Variants in UBE2E2 observed in about 807,000 individuals in gnomAD.
UBE2E2 encodes ubiquitin conjugating enzyme E2 E2, also known as ubiquitin-conjugating enzyme E2 E2.
A neutral mutation model predicts 24.7 loss-of-function variants in UBE2E2; 6 were observed. The ratio of observed to expected loss-of-function variants is 0.24; its 90% CI spans 0.13 to 0.48. The LOEUF is 0.48. Ranked by LOEUF, UBE2E2 falls within the 20% of genes least tolerant of loss-of-function variation. UBE2E2 has a pLI of 0.99. For synonymous variants in UBE2E2, 104 were observed against 83.6 expected (o/e 1.24, Z -1.33); for missense variants, 169 against 245.0 (o/e 0.69, Z 2.07).
At chr3:23,243,748 CTTT>C (rs72104834) in intron 3 of UBE2E2, among the ~76,000 whole-genome samples, 4 of 144,412 alleles carry the variant, frequency 2.8e-5, no homozygotes, top group African/African-American at 2.5e-5. Flanking sequence ...AATAGTATTT[CTTT>C]TTTTTTTTTT....
At chr3:23,325,912 CTG>C (rs1412094212) in intron 3 of UBE2E2, among the ~76,000 whole-genome samples, 2 of 152,206 alleles carry the variant, frequency 1.3e-5, no homozygotes, top group Non-Finnish European at 2.9e-5. Flanking sequence ...TATAGTCACA[CTG>C]TGAGTAATGA....
At chr3:23,334,569 C>A (rs951267306) in intron 3 of UBE2E2, among the ~76,000 whole-genome samples, 1 of 151,698 alleles carries the variant, frequency 6.6e-6, no homozygotes, top group African/African-American at 2.4e-5. Flanking sequence ...ACTATAATTT[C>A]GAAGTTTATT....
At chr3:23,515,801 A>C (rs1285379565) in intron 4 of UBE2E2, among the ~76,000 whole-genome samples, 4 of 75,960 alleles carry the variant, frequency 5.3e-5, no homozygotes, top group African/African-American at 1.9e-4. Context: ...TACAAAAAGA[A>C]AAAAAAAAAA....
At chr3:23,298,835 A>G (rs190126909) in intron 3 of UBE2E2, among the ~76,000 whole-genome samples, 20 of 152,092 alleles carry the variant, frequency 1.3e-4, no homozygotes, top group African/African-American at 3.1e-4. Context: ...CTCTTTTTCT[A>G]TTGATTGGAA....
chr3:23,271,466 G>A (rs544175581), intron 3 of UBE2E2, among the ~76,000 whole-genome samples: 6 of 152,270 alleles, frequency 3.9e-5, no homozygotes, highest in East Asian at 3.9e-4. Context: ...AAGGGGACCC[G>A]AGTGGGTTGC....
At position 23,356,075 on chromosome 3, in the gene UBE2E2, A is replaced by G. The variant is rs1695940910; in HGVS notation, c.227+138763A>G. ...AGAAAGCTGGGCTTGGAAAAAGAAG[A>G]GGATGCACTGAGTAGCAGAGTAGAC... On this transcript the variant is annotated intron_variant, in intron 3 of 5. Transcript: ENST00000396703. Among the ~76,000 whole-genome samples, 4 of 152,224 alleles carry G rather than the reference A, an allele frequency of 2.6e-5. No individual in the cohort carries two copies. In the South Asian group the frequency reaches 8.3e-4, roughly 32 times the overall value.
intron 5 of UBE2E2, among the ~76,000 whole-genome samples, chr3:23,567,881 G>A (rs1696114341): frequency 6.6e-6 from 1 of 152,230 alleles, no homozygotes; most frequent in African/African-American, 2.4e-5. Flanking sequence ...ATCCCTCAAG[G>A]AGAGGGGGAA....
intron 3 of UBE2E2, among the ~76,000 whole-genome samples, chr3:23,453,505 C>G (rs1031344707): frequency 2.0e-5 from 3 of 152,130 alleles, no homozygotes; most frequent in East Asian, 3.8e-4. Context: ...AGCCTACTTT[C>G]TCTTTCCACA....
chr3:23,332,494 G>A (rs1165967018), intron 3 of UBE2E2, among the ~76,000 whole-genome samples: 3 of 151,984 alleles, frequency 2.0e-5, no homozygotes, highest in Non-Finnish European at 4.4e-5. Context: ...AATCACTGGG[G>A]AAAAACATTT....
At chr3:23,522,424 G>A (rs377403932) in intron 4 of UBE2E2, among the ~76,000 whole-genome samples, 10 of 152,264 alleles carry the variant, frequency 6.6e-5, no homozygotes, top group Admixed American at 1.3e-4. Flanking sequence ...GAGCCACCGC[G>A]CCTGGCCATA....
Position 23,355,485 on chromosome 3 carries a change from C to T in UBE2E2, c.227+138173C>T, listed in dbSNP as rs1409303130. Among the ~76,000 whole-genome samples, 3 of 152,264 alleles carry T rather than the reference C, an allele frequency of 2.0e-5. 1 individual carries two copies. The South Asian group carries it at 6.2e-4, about 32-fold the overall frequency. ...GGGGTAGAAATTTTTATGGATTAAA[C>T]AGCCAAAGCAAAGTGTTTTAAATCA... On this transcript the variant is annotated intron_variant, in intron 3 of 5. Transcript: ENST00000396703.
chr3:23,300,902 C>G (rs907839318), intron 3 of UBE2E2, among the ~76,000 whole-genome samples: 9 of 152,168 alleles, frequency 5.9e-5, no homozygotes, highest in Non-Finnish European at 1.0e-4. Flanking sequence ...TCCATTCTCC[C>G]CGTCACTTTC....
intron 3 of UBE2E2, among the ~76,000 whole-genome samples, chr3:23,290,199 G>A (rs1414324458): frequency 6.6e-6 from 1 of 152,220 alleles, no homozygotes; most frequent in Admixed American, 6.5e-5. Flanking sequence ...TGGTAACTAT[G>A]AGGTAGCAGC....
chr3:23,296,314 T>A (rs78692406), intron 3 of UBE2E2, among the ~76,000 whole-genome samples: 4,482 of 152,240 alleles, frequency 0.029, 124 homozygotes, highest in East Asian at 0.14. Flanking sequence ...TTCTTTTTTT[T>A]AAATTTTATT....
intron 3 of UBE2E2, among the ~76,000 whole-genome samples, chr3:23,459,589 T>C (rs1226760063): frequency 6.6e-6 from 1 of 152,214 alleles, no homozygotes; most frequent in East Asian, 1.9e-4. Flanking sequence ...TGTTGAACAG[T>C]AGGAGGGCTA....
In UBE2E2 at chr3:23,412,876, G is replaced by A. The variant is rs184041879; in HGVS notation, c.228-86732G>A. Reference sequence around the variant, plus strand: ...TTTAACAAGCCTTCCTGGTGAATCTGATGCAGCTAAAGCATTATCATTCCT... The same window carrying A: ...TTTAACAAGCCTTCCTGGTGAATCTAATGCAGCTAAAGCATTATCATTCCT... On this transcript the variant is annotated intron_variant, in intron 3 of 5. Transcript: ENST00000396703. 4.1e-3 allele frequency among the ~76,000 whole-genome samples: 619 copies of A among 152,240 alleles called. 3 individuals carry two copies. Among genetic ancestry groups the A allele is most frequent in the Middle Eastern group, 0.017 (5 of 294 alleles).
chr3:23,331,570 A>G (rs1370320065), intron 3 of UBE2E2, among the ~76,000 whole-genome samples: 1 of 152,214 alleles, frequency 6.6e-6, no homozygotes, highest in Admixed American at 6.5e-5. Flanking sequence ...ACAAAGTGAC[A>G]CAAAGACCAT....
chr3:23,383,636 TTTTTG>T (rs1553607117), intron 3 of UBE2E2, among the ~76,000 whole-genome samples: 1 of 152,068 alleles, frequency 6.6e-6, no homozygotes, highest in Non-Finnish European at 1.5e-5. Flanking sequence ...ACTGAGGTTT[TTTTTG>T]TTTTGTTTTG....
In UBE2E2 at chr3:23,407,647, A is replaced by G. The variant is rs1027602693; in HGVS notation, c.228-91961A>G. Reference sequence around the variant, plus strand: ...TGTGTGTTTGTGTGTGCATGCGTGCATGTGTGTGTGTGTGTGTGTGTGTGT... The same window carrying G: ...TGTGTGTTTGTGTGTGCATGCGTGCGTGTGTGTGTGTGTGTGTGTGTGTGT... On this transcript the variant is annotated intron_variant, in intron 3 of 5. Coordinates refer to ENST00000396703, the MANE Select transcript of UBE2E2 (RefSeq NM_152653.4). The surrounding 1 kb of genome is among the most constrained non-coding windows in gnomAD (Gnocchi z 4.0). Among the ~76,000 whole-genome samples, 39 of 138,114 alleles carry G rather than the reference A, an allele frequency of 2.8e-4. No individual in the cohort carries two copies. The highest frequency in any genetic ancestry group is 6.7e-4 in the Admixed American group (9 of 13,446). The allele number at this position is 138,114 out of a possible 152,430, so 90.6% of individuals were successfully genotyped here. A position where few individuals can be genotyped will look rare whatever the true frequency, so the allele number is the denominator to read the frequency against.
Sources: gnomAD v4.1 joint callset for allele counts (sites outside exome capture counted in the v4.1 genomes callset) on GRCh38, gnomAD v4.1.1 for gene constraint, Gnocchi (gnomAD v3.1) non-coding constraint, MANE v1.5 for transcripts, NCBI Gene and HGNC (gene_info 2026-07-23, HGNC 2026-07-21) for gene names.